The following RPS15A variants were observed in gnomAD, a reference collection of about 807,000 sequenced individuals.
RPS15A encodes ribosomal protein S15a, also known as small ribosomal subunit protein uS8.
For missense variants in RPS15A, 62 were observed against 163.4 expected (o/e 0.38, Z 3.38); for synonymous variants, 55 against 58.5 (o/e 0.94, Z 0.27).
Position 18,789,616 on chromosome 16 carries a change from TCTAA to T in RPS15A, c.-5-502_-5-499del, listed in dbSNP as rs2029980808. On this transcript the variant is annotated intron_variant, in intron 1 of 4. Coordinates refer to ENST00000322989, the MANE Select transcript of RPS15A (RefSeq NM_001019.5). ...TTCACTCTCACCTACAATGAACACA[TCTAA>T]CTATTAAACATCCATCTTCGTGCCA... Among the ~76,000 whole-genome samples, 3 of 152,268 alleles carry T rather than the reference TCTAA, an allele frequency of 2.0e-5. No individual in the cohort carries two copies. The South Asian group carries it at 6.2e-4, about 32-fold the overall frequency.
chr16:18,788,891 A>G lies in RPS15A; in HGVS notation c.133+90T>C. 2.2e-6 allele frequency: 3 copies of G among 1,352,754 alleles called. 1 individual carries two copies. The Middle Eastern group carries it at 8.1e-4, about 366-fold the overall frequency. The allele number at this position is 1,352,754 out of a possible 1,614,324, so 83.8% of individuals were successfully genotyped here. A position where few individuals can be genotyped will look rare whatever the true frequency, so the allele number is the denominator to read the frequency against. ...GCATTCGTTCTCAGGTATGACAGAC[A>G]TACTTTGGTCCCCCATAATTAATTT... On this transcript the variant is annotated intron_variant, in intron 2 of 4. Transcript: ENST00000322989.
intron 4 of RPS15A, chr16:18,783,648 A>G (rs1904000160): frequency 2.2e-6 from 1 of 456,058 alleles, no homozygotes; most frequent in Non-Finnish European, 4.4e-6. Flanking sequence ...TACCTGTAAT[A>G]CAGCAACCAT....
chr16:18,788,900 TC>T, intron 2 of RPS15A, 80 bp downstream of exon 2: 1 of 1,427,352 alleles, frequency 7.0e-7, no homozygotes, highest in Non-Finnish European at 9.6e-7. Flanking sequence ...CATACTTTGG[TC>T]CCCCATAATT....
intron 2 of RPS15A, chr16:18,788,477 C>A: frequency 7.7e-6 from 2 of 259,546 alleles, no homozygotes; most frequent in Admixed American, 5.0e-5. Context: ...GAGAAGATCT[C>A]AAGAGTCCTT....
At chr16:18,784,901 CATAA>C in intron 3 of RPS15A, 78 bp from the exon 4 acceptor site, 2 of 1,166,308 alleles carry the variant, frequency 1.7e-6, no homozygotes, top group Middle Eastern at 2.0e-4. Context: ...AGATGACATT[CATAA>C]ATAAACAGTC....
intron 3 of RPS15A, among the ~76,000 whole-genome samples, chr16:18,787,512 C>G (rs1053254127): frequency 6.6e-6 from 1 of 152,166 alleles, no homozygotes; most frequent in Non-Finnish European, 1.5e-5. Flanking sequence ...AGACACCTGC[C>G]CCCAAAACAC....
intron 3 of RPS15A, 97 bp downstream of exon 3, chr16:18,787,966 G>C (rs888572302): frequency 6.5e-6 from 5 of 773,742 alleles, no homozygotes; most frequent in Admixed American, 2.0e-5. Context: ...AATCAAGTAT[G>C]GCACCACTAC....
intron 2 of RPS15A, 68 bp downstream of exon 2, chr16:18,788,913 A>G: frequency 6.6e-7 from 1 of 1,525,418 alleles, no homozygotes; most frequent in Non-Finnish European, 8.9e-7. Flanking sequence ...CCCATAATTA[A>G]TTTCTACAGG....
intron 3 of RPS15A, chr16:18,785,489 A>T (rs1340897498): frequency 6.6e-6 from 1 of 152,192 alleles, no homozygotes; most frequent in South Asian, 2.1e-4. Flanking sequence ...ACTCAACTAC[A>T]TGCCAGCCCT....
At position 18,789,024 on chromosome 16, in the gene RPS15A, G is replaced by A. The variant is rs1387075547; in HGVS notation, c.90C>T (p.Cys30=). The A allele has an allele frequency of 6.2e-7, 1 of 1,614,118 alleles. No homozygotes were observed. The highest frequency in any genetic ancestry group is 1.1e-5 in the South Asian group (1 of 91,076). The change falls in exon 2 of 5, where the codon TGC becomes TGT. Residue 30 remains cysteine, a synonymous_variant. Transcript: ENST00000322989. ...RGKRQVLIRP[C]SKVIVRFLTV... is the part of the protein sequence containing the mutation. ...TGAGAAACCGGACGATGACTTTGGAGCACGGCCTAATAAGCACCTGGCGTT... is the reference window on the plus strand; with the variant it reads ...TGAGAAACCGGACGATGACTTTGGAACACGGCCTAATAAGCACCTGGCGTT...
At chr16:18,789,281 T>C (rs1244076901) in intron 1 of RPS15A, 163 bp from the exon 2 acceptor site, 1 of 634,832 alleles carries the variant, frequency 1.6e-6, no homozygotes, top group Non-Finnish European at 2.6e-6. Context: ...CCAGGAAAAT[T>C]CCTATTTACT....
At chr16:18,783,255 T>C in intron 4 of RPS15A, 153 bp from the exon 5 acceptor site, 3 of 590,028 alleles carry the variant, frequency 5.1e-6, no homozygotes, top group East Asian at 2.8e-5. Flanking sequence ...GTGCCTCATG[T>C]AGCGTATGAG....
In RPS15A at chr16:18,789,657, G is replaced by A. The variant is rs1032989994; in HGVS notation, c.-5-539C>T. On this transcript the variant is annotated intron_variant, in intron 1 of 4. Coordinates refer to ENST00000322989, the MANE Select transcript of RPS15A (RefSeq NM_001019.5). ...CCATCTTCGTGCCATTTAAAATTGCGTCCAACAGCAAGAGCCACAGTGGCA... is the reference window on the plus strand; with the variant it reads ...CCATCTTCGTGCCATTTAAAATTGCATCCAACAGCAAGAGCCACAGTGGCA... 4.6e-5 allele frequency among the ~76,000 whole-genome samples: 7 copies of A among 152,218 alleles called. No individual in the cohort carries two copies. In the East Asian group the frequency reaches 7.7e-4, roughly 17 times the overall value.
At chr16:18,786,398 A>C (rs1311731218) in intron 3 of RPS15A, 1 of 155,816 alleles carries the variant, frequency 6.4e-6, no homozygotes, top group Non-Finnish European at 1.5e-5. Context: ...CTGCATATCA[A>C]CTGTTGTAGG....
chr16:18,783,316 A>G (rs746950552), intron 4 of RPS15A: 3 of 533,382 alleles, frequency 5.6e-6, no homozygotes, highest in Non-Finnish European at 6.7e-6. Context: ...CAGCCACACA[A>G]TCACACAGCC....
chr16:18,786,224 G>A, intron 3 of RPS15A: 2 of 221,840 alleles, frequency 9.0e-6, no homozygotes, highest in South Asian at 4.4e-5. Context: ...AATTAGCCGG[G>A]CATGGTGGCA....
At chr16:18,783,218 AG>A in intron 4 of RPS15A, 116 bp from the exon 5 acceptor site, 1 of 655,066 alleles carries the variant, frequency 1.5e-6, no homozygotes, top group East Asian at 2.7e-5. Flanking sequence ...TGGGGCACAT[AG>A]GAACTGACAG....
At chr16:18,783,502 G>A in intron 4 of RPS15A, 1 of 367,232 alleles carries the variant, frequency 2.7e-6, no homozygotes, top group African/African-American at 2.1e-5. Flanking sequence ...ATTATATGGA[G>A]ACGTTCATTT....
rs2606565 is a variant in RPS15A at position 18,782,521 on chromosome 16, A to G, written c.*488T>C. 59,798 of 152,902 alleles carry G rather than the reference A, an allele frequency of 0.39. 12,151 individuals carry two copies. Among genetic ancestry groups the G allele is most frequent in the Non-Finnish European group, 0.45 (30,641 of 68,628 alleles). 9.5% of individuals were successfully genotyped at this position (152,902 alleles called of 1,614,324 possible). On this transcript the variant is annotated 3_prime_UTR_variant, in exon 5 of 5. Transcript: ENST00000322989. ...GCTGATCACTTGAGGCCCAGAACTC[A>G]AGACCAGCCTGGGCAACATGGCGAA...
Sources: gnomAD v4.1 joint callset for allele counts (sites outside exome capture counted in the v4.1 genomes callset) on GRCh38, gnomAD v4.1.1 for gene constraint, MANE v1.5 for transcripts, NCBI Gene and HGNC (gene_info 2026-07-23, HGNC 2026-07-21) for gene names.